Variants in NOX4 observed in about 807,000 individuals in gnomAD.
NOX4 encodes the protein kidney oxidase-1.
A neutral mutation model predicts 87.6 loss-of-function variants in NOX4; 69 were observed. The ratio of observed to expected loss-of-function variants is 0.79; its 90% CI spans 0.65 to 0.96. The LOEUF is 0.96. NOX4 is among the 40% of genes least tolerant of loss of function. The pLI is 0.00. For missense variants in NOX4, 680 were observed against 681.5 expected (o/e 1.00, Z 0.02); for synonymous variants, 275 against 238.2 (o/e 1.15, Z -1.42).
chr11:89,369,830 G>A lies in NOX4; in HGVS notation c.1135+3602C>T, dbSNP rs558802527. Reference sequence around the variant, plus strand: ...TCACAGTGATATCTAGTGCAAGGTGGTTGATGTAATTGGCCTAAAATATGT... The same window carrying A: ...TCACAGTGATATCTAGTGCAAGGTGATTGATGTAATTGGCCTAAAATATGT... On this transcript the variant is annotated intron_variant, in intron 12 of 17. Transcript: ENST00000263317. Among the ~76,000 whole-genome samples the A allele has an allele frequency of 7.9e-5, 12 of 151,580 alleles. No homozygotes were observed. The East Asian group carries it at 2.3e-3, about 29-fold the overall frequency.
intron 6 of NOX4, among the ~76,000 whole-genome samples, chr11:89,437,734 C>G (rs1415083704): frequency 6.6e-6 from 1 of 152,054 alleles, no homozygotes; most frequent in Non-Finnish European, 1.5e-5. Context: ...GTGGAAAAGA[C>G]AGTACATGTA....
At chr11:89,558,010 A>G in the NOX4 span, among the ~76,000 whole-genome samples, 3 of 152,248 alleles carry the variant, frequency 2.0e-5, no homozygotes, top group South Asian at 6.2e-4. Context: ...CAGTGTTTTA[A>G]TATAAGATCT....
chr11:89,415,490 A>G (rs1425675521), intron 8 of NOX4, among the ~76,000 whole-genome samples: 3 of 152,146 alleles, frequency 2.0e-5, no homozygotes, highest in Admixed American at 2.0e-4. Flanking sequence ...CTTCAGTTCC[A>G]TATTTTTTGA....
At chr11:89,455,586 C>A (rs1029574839) in intron 2 of NOX4, among the ~76,000 whole-genome samples, 19 of 152,176 alleles carry the variant, frequency 1.2e-4, no homozygotes, top group African/African-American at 4.3e-4. Flanking sequence ...CAAATATTTA[C>A]AATCTTTGTG....
At position 89,467,275 on chromosome 11, in the gene NOX4, C is replaced by T. The variant is rs1006517778; in HGVS notation, c.154-15380G>A. On this transcript the variant is annotated intron_variant, in intron 2 of 17. Coordinates refer to ENST00000263317, the MANE Select transcript of NOX4 (RefSeq NM_016931.5). Reference sequence around the variant, plus strand: ...CTGAGGCAGGAGAATGGTGTGAACCCGGGAGGTGGAGCTTGCAGTGAGGCC... The same window carrying T: ...CTGAGGCAGGAGAATGGTGTGAACCTGGGAGGTGGAGCTTGCAGTGAGGCC... 6.4e-5 allele frequency among the ~76,000 whole-genome samples: 9 copies of T among 140,396 alleles called. 1 individual carries two copies. Among genetic ancestry groups the T allele is most frequent in the Middle Eastern group, 3.9e-3 (1 of 254 alleles). 92.1% of individuals were successfully genotyped at this position (140,396 alleles called of 152,430 possible). A position where few individuals can be genotyped will look rare whatever the true frequency, so the allele number is the denominator to read the frequency against.
chr11:89,350,292 T>C (rs906250048), intron 13 of NOX4, among the ~76,000 whole-genome samples: 4 of 152,222 alleles, frequency 2.6e-5, no homozygotes, highest in African/African-American at 4.8e-5. Context: ...CCTTTAAACA[T>C]ATACATACAT....
At position 89,347,667 on chromosome 11, in the gene NOX4, G is replaced by A. The variant is rs1946275960; in HGVS notation, c.1218-5474C>T. On this transcript the variant is annotated intron_variant, in intron 13 of 17. Coordinates refer to ENST00000263317, the MANE Select transcript of NOX4 (RefSeq NM_016931.5). ...GGGAAAAAGCTTGAAGCCACCCAAAGCTCTTTCCTTCTCCCTCTCTCTCCT... is the reference window on the plus strand; with the variant it reads ...GGGAAAAAGCTTGAAGCCACCCAAAACTCTTTCCTTCTCCCTCTCTCTCCT... Among the ~76,000 whole-genome samples, 3 of 152,068 alleles carry A rather than the reference G, an allele frequency of 2.0e-5. No individual in the cohort carries two copies. In the South Asian group the frequency reaches 6.2e-4, roughly 32 times the overall value.
intron 12 of NOX4, among the ~76,000 whole-genome samples, chr11:89,360,682 T>C (rs1392775789): frequency 6.6e-6 from 1 of 151,928 alleles, no homozygotes; most frequent in East Asian, 1.9e-4. Flanking sequence ...AAATATTTGC[T>C]TATATTCTCA....
At chr11:89,578,590 T>C in the NOX4 span, among the ~76,000 whole-genome samples, 9 of 152,192 alleles carry the variant, frequency 5.9e-5, no homozygotes, top group Non-Finnish European at 1.2e-4. Context: ...CATGAGATAA[T>C]ATAGCTTGTA....
chr11:89,440,270 T>C (rs1016418633), intron 6 of NOX4, among the ~76,000 whole-genome samples: 25 of 152,198 alleles, frequency 1.6e-4, no homozygotes, highest in African/African-American at 5.8e-4. Flanking sequence ...ATTTGTAACA[T>C]ATATCTAATT....
chr11:89,583,586 G>A, the NOX4 span, among the ~76,000 whole-genome samples: 1 of 151,726 alleles, frequency 6.6e-6, no homozygotes, highest in Non-Finnish European at 1.5e-5. Flanking sequence ...ATCCTAAAAA[G>A]AGCATAAAAA....
intron 11 of NOX4, among the ~76,000 whole-genome samples, chr11:89,398,433 T>C (rs1941632585): frequency 6.6e-6 from 1 of 151,934 alleles, no homozygotes; most frequent in South Asian, 2.1e-4. Flanking sequence ...CTCTCACCGC[T>C]CCTATTCACC....
In NOX4 at chr11:89,438,576, C is replaced by CTATATATAATACTATATATAATATATAG. The variant is rs1565292594; in HGVS notation, c.475+2111_475+2112insCTATATATTATATATAGTATTATATATA. On this transcript the variant is annotated intron_variant, in intron 6 of 17. Coordinates refer to ENST00000263317, the MANE Select transcript of NOX4 (RefSeq NM_016931.5). ...TATACTATATATAATATAATATATA[C>CTATATATAATACTATATATAATATATAG]TATATATTATATACTATATATAATA... 7.3e-4 allele frequency among the ~76,000 whole-genome samples: 59 copies of CTATATATAATACTATATATAATATATAG among 80,534 alleles called. 1 individual carries two copies. Among genetic ancestry groups the CTATATATAATACTATATATAATATATAG allele is most frequent in the African/African-American group, 3.1e-3 (55 of 17,644 alleles). The allele number at this position is 80,534 out of a possible 152,430, so 52.8% of individuals were successfully genotyped here. A position where few individuals can be genotyped will look rare whatever the true frequency, so the allele number is the denominator to read the frequency against.
At position 89,457,383 on chromosome 11, in the gene NOX4, G is replaced by A. The variant is rs561864478; in HGVS notation, c.154-5488C>T. Among the ~76,000 whole-genome samples the A allele has an allele frequency of 3.9e-5, 6 of 152,294 alleles. No individual in the cohort carries two copies. In the South Asian group the frequency reaches 1.2e-3, roughly 32 times the overall value. On this transcript the variant is annotated intron_variant, in intron 2 of 17. Coordinates refer to ENST00000263317, the MANE Select transcript of NOX4 (RefSeq NM_016931.5). Reference sequence around the variant, plus strand: ...CACACTGCCACTGCCATAGGCATGAGCATACACAGGACCACTTCAGGCTCA... The same window carrying A: ...CACACTGCCACTGCCATAGGCATGAACATACACAGGACCACTTCAGGCTCA...
intron 13 of NOX4, among the ~76,000 whole-genome samples, chr11:89,348,516 C>T (rs529972602): frequency 2.0e-5 from 3 of 151,972 alleles, no homozygotes; most frequent in African/African-American, 7.2e-5. Flanking sequence ...ACACTGGAGG[C>T]CAAGGCAGGA....
the NOX4 span, among the ~76,000 whole-genome samples, chr11:89,554,334 T>C: frequency 6.6e-6 from 1 of 152,134 alleles, no homozygotes; most frequent in Non-Finnish European, 1.5e-5. Context: ...ATATGTATTT[T>C]TGAGTTTTAT....
intron 12 of NOX4, among the ~76,000 whole-genome samples, chr11:89,362,641 T>C (rs1007027163): frequency 2.0e-5 from 3 of 152,100 alleles, no homozygotes; most frequent in Non-Finnish European, 4.4e-5. Flanking sequence ...TGTGTATATA[T>C]AGATATATAT....
intron 12 of NOX4, among the ~76,000 whole-genome samples, chr11:89,365,235 T>A (rs1189070747): frequency 1.3e-5 from 2 of 151,874 alleles, no homozygotes; most frequent in Non-Finnish European, 2.9e-5. Flanking sequence ...GGGAGCAGAG[T>A]GATAAAAGTC....
At chr11:89,433,602 T>G (rs966045086) in intron 6 of NOX4, among the ~76,000 whole-genome samples, 6 of 152,050 alleles carry the variant, frequency 3.9e-5, no homozygotes, top group African/African-American at 1.4e-4. Flanking sequence ...AAATAAAGCC[T>G]AAAGTGTTTT....
Sources: allele counts gnomAD v4.1 joint callset (sites outside exome capture counted in the v4.1 genomes callset), GRCh38; gene constraint gnomAD v4.1.1; transcripts MANE v1.5; gene names NCBI Gene and HGNC (gene_info 2026-07-23, HGNC 2026-07-21).